The following PTPN4 variants were observed in gnomAD, a reference collection of about 807,000 sequenced individuals.
The protein encoded by PTPN4 is tyrosine-protein phosphatase non-receptor type 4.
Under a neutral mutation model 135.5 loss-of-function variants are expected in PTPN4, and 49 were observed. That is an observed-to-expected ratio of 0.36 (90% CI 0.29 to 0.46). The LOEUF is 0.46. Among genes scored for constraint, PTPN4 ranks in the 20% least tolerant of loss-of-function variants. PTPN4 has a pLI of 1.00. For synonymous variants in PTPN4, 333 were observed against 369.9 expected (o/e 0.90, Z 1.14); for missense variants, 860 against 1,101.0 (o/e 0.78, Z 3.10).
chr2:119,947,762 C>CCACA (rs3084728), intron 18 of PTPN4, among the ~76,000 whole-genome samples: 13,657 of 146,722 alleles, frequency 0.093, 747 homozygotes, highest in African/African-American at 0.16. Flanking sequence ...AACACCACTA[C>CCACA]CACACACACA....
At chr2:119,813,252 C>CTT (rs566056174) in intron 2 of PTPN4, among the ~76,000 whole-genome samples, 3,337 of 144,020 alleles carry the variant, frequency 0.023, 119 homozygotes, top group African/African-American at 0.076. Context: ...TTCTTTCTTT[C>CTT]TTTTTTTTTT....
At chr2:119,974,039 C>CA (rs1679578193) in intron 26 of PTPN4, among the ~76,000 whole-genome samples, 2 of 152,158 alleles carry the variant, frequency 1.3e-5, no homozygotes, top group African/African-American at 4.8e-5. Flanking sequence ...GTAGGAAAGG[C>CA]AAGAAAAACA....
At chr2:119,868,107 A>G (rs915795616) in intron 3 of PTPN4, among the ~76,000 whole-genome samples, 3 of 152,208 alleles carry the variant, frequency 2.0e-5, no homozygotes, top group Non-Finnish European at 4.4e-5. Context: ...AATAAAATTC[A>G]GCAGCCATTC....
At chr2:119,891,512 A>G (rs1311785596) in intron 9 of PTPN4, among the ~76,000 whole-genome samples, 1 of 152,048 alleles carries the variant, frequency 6.6e-6, no homozygotes, top group African/African-American at 2.4e-5. Flanking sequence ...TTTAGTAGAG[A>G]TGGGGTTTCA....
At position 119,885,868 on chromosome 2, in the gene PTPN4, T is replaced by A; in HGVS notation, c.661T>A (p.Phe221Ile). The A allele has an allele frequency of 6.3e-7, 1 of 1,598,708 alleles. No individual in the cohort carries two copies. Among genetic ancestry groups the A allele is most frequent in the East Asian group, 2.3e-5 (1 of 44,328 alleles). ...TACCTTAGAACTCTATGGAGTTGAA[T>A]TCCACTATGCAAGGGTAAGTGAAGA... ...ARTLELYGVEFHYARDQSNNE... is the reference protein window; with the variant it reads ...ARTLELYGVEIHYARDQSNNE... The change falls in exon 9 of 27, where the codon TTC becomes ATC. Residue 221 changes from phenylalanine to isoleucine, a missense_variant. Phe to Ile is a conservative substitution (Grantham distance 21, BLOSUM62 0). Transcript: ENST00000263708.
chr2:119,935,923 G>T (rs1291907405), intron 15 of PTPN4, among the ~76,000 whole-genome samples: 2 of 152,062 alleles, frequency 1.3e-5, no homozygotes, highest in Non-Finnish European at 2.9e-5. Flanking sequence ...AATTCTTGAG[G>T]CCTAACAAAA....
chr2:119,782,707 C>G (rs569443866), intron 1 of PTPN4, among the ~76,000 whole-genome samples: 1 of 129,058 alleles, frequency 7.7e-6, no homozygotes, highest in African/African-American at 2.8e-5. Flanking sequence ...GAAACCCCCC[C>G]ACCCCCCTTT....
chr2:119,941,851 A>G (rs979789146), intron 15 of PTPN4, among the ~76,000 whole-genome samples: 1 of 152,156 alleles, frequency 6.6e-6, no homozygotes, highest in African/African-American at 2.4e-5. Context: ...TTATTCTCAA[A>G]TACCTGTAGT....
intron 2 of PTPN4, among the ~76,000 whole-genome samples, chr2:119,843,742 CG>C (rs1335921631): frequency 2.0e-5 from 1 of 50,086 alleles, no homozygotes; most frequent in Admixed American, 1.6e-4. Context: ...GCTGGCCGGG[CG>C]GGGGGGCTGA....
At chr2:119,807,183 C>T (rs953598959) in intron 1 of PTPN4, among the ~76,000 whole-genome samples, 4 of 152,012 alleles carry the variant, frequency 2.6e-5, no homozygotes, top group Admixed American at 6.6e-5. Context: ...GAAGCAAGAG[C>T]AAACACATTC....
intron 2 of PTPN4, among the ~76,000 whole-genome samples, chr2:119,859,959 G>A (rs1677737594): frequency 6.6e-6 from 1 of 152,074 alleles, no homozygotes; most frequent in African/African-American, 2.4e-5. Flanking sequence ...CTTTTCTTGG[G>A]CTCTTTCATC....
chr2:119,930,665 C>T (rs1033999867), intron 13 of PTPN4, among the ~76,000 whole-genome samples: 5 of 151,880 alleles, frequency 3.3e-5, no homozygotes, highest in African/African-American at 1.2e-4. Flanking sequence ...CGTGTTAGTC[C>T]GACATTTCTT....
chr2:119,973,291 G>C (rs1457018155), intron 26 of PTPN4, among the ~76,000 whole-genome samples: 1 of 152,044 alleles, frequency 6.6e-6, no homozygotes, highest in Admixed American at 6.6e-5. Context: ...ATTTCACTTA[G>C]ATTAATGACC....
chr2:119,942,879 A>C (rs1464097114), intron 15 of PTPN4, among the ~76,000 whole-genome samples: 2 of 152,156 alleles, frequency 1.3e-5, no homozygotes, highest in African/African-American at 4.8e-5. Flanking sequence ...AGAAGCTTGT[A>C]TTCTTGGCAG....
At chr2:119,820,260 C>A (rs1558735643) in intron 2 of PTPN4, among the ~76,000 whole-genome samples, 1 of 152,140 alleles carries the variant, frequency 6.6e-6, no homozygotes, top group Non-Finnish European at 1.5e-5. Flanking sequence ...GTATGTCTCT[C>A]CTGAAGCTCA....
At chr2:119,910,373 G>A (rs773290612) in intron 10 of PTPN4, among the ~76,000 whole-genome samples, 13 of 152,060 alleles carry the variant, frequency 8.5e-5, no homozygotes, top group Middle Eastern at 3.4e-3. Context: ...CACAGTATTC[G>A]CTTTAGTAGT....
At chr2:119,969,552 C>CTTTTTTTTTT (rs35531556) in intron 26 of PTPN4, among the ~76,000 whole-genome samples, 4 of 113,862 alleles carry the variant, frequency 3.5e-5, no homozygotes, top group Admixed American at 1.1e-4. Context: ...TAATCAATTT[C>CTTTTTTTTTT]TTTTTTTTTT....
chr2:119,846,157 A>G (rs1001218190), intron 2 of PTPN4, among the ~76,000 whole-genome samples: 3 of 152,180 alleles, frequency 2.0e-5, no homozygotes, highest in Non-Finnish European at 4.4e-5. Flanking sequence ...AAGAATGCCC[A>G]TTCTGCTATT....
intron 2 of PTPN4, among the ~76,000 whole-genome samples, chr2:119,836,995 T>C (rs1247977357): frequency 1.3e-5 from 2 of 152,158 alleles, no homozygotes; most frequent in African/African-American, 2.4e-5. Context: ...GGCAGGAAGC[T>C]GACAGGCTTC....
Sources: gnomAD v4.1 joint callset for allele counts (sites outside exome capture counted in the v4.1 genomes callset) on GRCh38, gnomAD v4.1.1 for gene constraint, MANE v1.5 for transcripts, NCBI Gene and HGNC (gene_info 2026-07-23, HGNC 2026-07-21) for gene names.